NALF1: variants seen among roughly 807,000 people sequenced by gnomAD.
NALF1 encodes family with sequence similarity 155 member A.
A neutral mutation model predicts 48.4 loss-of-function variants in NALF1; 3 were observed. The ratio of observed to expected loss-of-function variants is 0.06; its 90% CI spans 0.03 to 0.16. The LOEUF is 0.16. NALF1 is among the 10% of genes least tolerant of loss of function. The pLI, the probability that NALF1 is intolerant of heterozygous loss-of-function variation, is 1.00. For synonymous variants in NALF1, 262 were observed against 245.7 expected (o/e 1.07, Z -0.62); for missense variants, 526 against 571.5 (o/e 0.92, Z 0.81).
intron 1 of NALF1, among the ~76,000 whole-genome samples, chr13:107,534,511 G>A (rs1029594267): frequency 4.1e-4 from 63 of 152,244 alleles, no homozygotes; most frequent in African/African-American, 1.5e-3. Context: ...TGCAGAATGT[G>A]CAGGTTTATT....
At chr13:107,255,192 A>G (rs1359371) in intron 1 of NALF1, among the ~76,000 whole-genome samples, 17,430 of 152,202 alleles carry the variant, frequency 0.11, 1,183 homozygotes, top group African/African-American at 0.17. Flanking sequence ...GCATATCCTC[A>G]GCCTGAGTGG....
intron 1 of NALF1, among the ~76,000 whole-genome samples, chr13:107,612,424 G>A (rs193097746): frequency 6.6e-6 from 1 of 152,076 alleles, no homozygotes; most frequent in Admixed American, 6.5e-5. Context: ...CATTTTATAC[G>A]TCGGCTTGCC....
chr13:107,195,190 G>C (rs1206893107), intron 2 of NALF1, among the ~76,000 whole-genome samples: 3 of 152,054 alleles, frequency 2.0e-5, no homozygotes, highest in Non-Finnish European at 4.4e-5. Flanking sequence ...TAGAACTCAA[G>C]TGACGGGTGC....
chr13:107,853,670 G>A (rs1041662272), intron 1 of NALF1, among the ~76,000 whole-genome samples: 8 of 152,186 alleles, frequency 5.3e-5, no homozygotes, highest in Middle Eastern at 3.4e-3. Context: ...AATTCTAAAT[G>A]TACAATTAAG....
chr13:107,772,231 C>A (rs1877601388), intron 1 of NALF1, among the ~76,000 whole-genome samples: 1 of 152,060 alleles, frequency 6.6e-6, no homozygotes, highest in Admixed American at 6.6e-5. Flanking sequence ...GGCTACTTTA[C>A]TTTCTTAATA....
chr13:107,703,596 G>A (rs1007976981), intron 1 of NALF1, among the ~76,000 whole-genome samples: 5 of 151,934 alleles, frequency 3.3e-5, no homozygotes, highest in African/African-American at 1.2e-4. Context: ...CTCGTGATCC[G>A]CCCACCTCGG....
At chr13:107,562,841 T>C (rs758278225) in intron 1 of NALF1, among the ~76,000 whole-genome samples, 1 of 152,212 alleles carries the variant, frequency 6.6e-6, no homozygotes, top group African/African-American at 2.4e-5. Flanking sequence ...GTGCTCTTTT[T>C]CATTTCACGG....
chr13:107,513,579 G>C (rs1333616413), intron 1 of NALF1, among the ~76,000 whole-genome samples: 1 of 151,334 alleles, frequency 6.6e-6, no homozygotes, highest in African/African-American at 2.4e-5. Flanking sequence ...AAGGATGAAG[G>C]TAAACGTAAT....
chr13:107,366,028 C>T (rs774529463), intron 1 of NALF1, among the ~76,000 whole-genome samples: 5 of 152,258 alleles, frequency 3.3e-5, no homozygotes, highest in South Asian at 2.1e-4. Context: ...CAATAAGTTA[C>T]GCCACTAACA....
chr13:107,379,452 C>T (rs1054930351), intron 1 of NALF1, among the ~76,000 whole-genome samples: 16 of 152,114 alleles, frequency 1.1e-4, no homozygotes, highest in Non-Finnish European at 2.4e-4. Context: ...ATGTTTCCTA[C>T]CCTTTACATT....
At chr13:107,706,751 G>T (rs936616066) in intron 1 of NALF1, among the ~76,000 whole-genome samples, 1 of 152,122 alleles carries the variant, frequency 6.6e-6, no homozygotes, top group Non-Finnish European at 1.5e-5. Context: ...TGGCTATACT[G>T]ATTCAATTCT....
chr13:107,633,721 G>GTATATATA (rs71121539), intron 1 of NALF1, among the ~76,000 whole-genome samples: 1 of 145,808 alleles, frequency 6.9e-6, no homozygotes, highest in South Asian at 2.1e-4. Flanking sequence ...ATATGTGTGT[G>GTATATATA]TATATATATA....
rs560101769 is a variant in NALF1, at chr13:107,361,776, A to G, written c.916-151021T>C. The stretch of plus-strand genomic sequence containing the variant: ...AAGTAAGAAATCTAGTTAAGCCATT[A>G]TCAAATACAGTCAGCTTGGCTGGTG... On this transcript the variant is annotated intron_variant, in intron 1 of 2. Transcript: ENST00000375915. Among the ~76,000 whole-genome samples the G allele has an allele frequency of 7.1e-4, 108 of 152,354 alleles. 1 individual carries two copies. Among genetic ancestry groups the G allele is most frequent in the African/African-American group, 2.3e-3 (95 of 41,582 alleles).
At position 107,530,182 on chromosome 13, in the gene NALF1, T is replaced by C. The variant is rs186464612; in HGVS notation, c.916-319427A>G. Among the ~76,000 whole-genome samples, 38 of 152,222 alleles carry C rather than the reference T, an allele frequency of 2.5e-4. 1 individual carries two copies. Among genetic ancestry groups the C allele is most frequent in the African/African-American group, 8.9e-4 (37 of 41,548 alleles). ...GCCTATTAATGAGGCAGGCTCAGTC[T>C]TATGCTTTATAGCTCAGTCATCTAC... On this transcript the variant is annotated intron_variant, in intron 1 of 2. Coordinates refer to ENST00000375915, the MANE Select transcript of NALF1 (RefSeq NM_001080396.3).
intron 1 of NALF1, among the ~76,000 whole-genome samples, chr13:107,672,004 A>G (rs1211360514): frequency 1.3e-5 from 2 of 152,204 alleles, no homozygotes; most frequent in Non-Finnish European, 2.9e-5. Flanking sequence ...GCCTTGAAAA[A>G]AAAAATCTAC....
intron 1 of NALF1, among the ~76,000 whole-genome samples, chr13:107,471,454 C>T (rs984212872): frequency 6.6e-6 from 1 of 152,068 alleles, no homozygotes; most frequent in Non-Finnish European, 1.5e-5. Flanking sequence ...TAGGCAGGGG[C>T]AGCTGGTCAG....
At position 107,636,658 on chromosome 13, in the gene NALF1, T is replaced by C. The variant is rs570130693; in HGVS notation, c.915+229024A>G. ...TTGTATGGTAAAGGGAAATAGACTT[T>C]AAAGTACAAAATTATAGTATTATTT... On this transcript the variant is annotated intron_variant, in intron 1 of 2. Coordinates refer to ENST00000375915, the MANE Select transcript of NALF1 (RefSeq NM_001080396.3). Among the ~76,000 whole-genome samples, 34 of 152,194 alleles carry C rather than the reference T, an allele frequency of 2.2e-4. 1 individual carries two copies. The South Asian group carries it at 4.4e-3, about 19-fold the overall frequency.
At chr13:107,626,906 A>T (rs927259563) in intron 1 of NALF1, among the ~76,000 whole-genome samples, 5 of 152,110 alleles carry the variant, frequency 3.3e-5, no homozygotes, top group Non-Finnish European at 4.4e-5. Flanking sequence ...AAACACCTAA[A>T]TTAAGGAACA....
chr13:107,564,081 T>G (rs1877719959), intron 1 of NALF1, among the ~76,000 whole-genome samples: 1 of 152,046 alleles, frequency 6.6e-6, no homozygotes, highest in Non-Finnish European at 1.5e-5. Flanking sequence ...ATATACGAGA[T>G]GTATTGGGAA....
Sources: allele counts gnomAD v4.1 joint callset (sites outside exome capture counted in the v4.1 genomes callset), GRCh38; gene constraint gnomAD v4.1.1; transcripts MANE v1.5; gene names NCBI Gene and HGNC (gene_info 2026-07-23, HGNC 2026-07-21).